NIBAN1: variants seen among roughly 807,000 people sequenced by gnomAD.
NIBAN1 encodes the protein protein Niban 1.
Under a neutral mutation model 75.1 loss-of-function variants are expected in NIBAN1, and 81 were observed. That is an observed-to-expected ratio of 1.08 (90% CI 0.90 to 1.30). The LOEUF is 1.30. NIBAN1 is among the 50% of genes most tolerant of loss of function. The pLI is 0.00. For synonymous variants in NIBAN1, 436 were observed against 424.8 expected (o/e 1.03, Z -0.32); for missense variants, 1,133 against 1,128.1 (o/e 1.00, Z -0.06).
At chr1:184,901,266 G>A (rs959596777) in intron 1 of NIBAN1, among the ~76,000 whole-genome samples, 5 of 152,136 alleles carry the variant, frequency 3.3e-5, no homozygotes, top group African/African-American at 1.2e-4. Flanking sequence ...AAGGTGCTTT[G>A]AGACCCACTA....
At chr1:184,899,807 C>CTTTTTTTT (rs66802117) in intron 1 of NIBAN1, among the ~76,000 whole-genome samples, 7 of 100,346 alleles carry the variant, frequency 7.0e-5, no homozygotes, top group Non-Finnish European at 1.2e-4. Context: ...ACATCACTCT[C>CTTTTTTTT]TTTTTTTTTT....
chr1:184,934,944 C>A (rs1017163425), intron 1 of NIBAN1, among the ~76,000 whole-genome samples: 1 of 152,050 alleles, frequency 6.6e-6, no homozygotes, highest in Admixed American at 6.5e-5. Flanking sequence ...GTGGCATGCA[C>A]CTGCAGTGCC....
Position 184,936,067 on chromosome 1 carries a change from T to TAC in NIBAN1, c.56-36760_56-36759dup, listed in dbSNP as rs1374436231. 4.0e-5 allele frequency among the ~76,000 whole-genome samples: 6 copies of TAC among 151,772 alleles called. 1 individual carries two copies. In the East Asian group the frequency reaches 1.2e-3, roughly 29 times the overall value. The stretch of plus-strand genomic sequence containing the variant: ...GAAACTAAGCGTCTATTGAAAGGTT[T>TAC]ACACTTATGCTAAACTAATTAAGTA... On this transcript the variant is annotated intron_variant, in intron 1 of 13. Transcript: ENST00000367511.
chr1:184,974,486 G>A lies in NIBAN1; in HGVS notation c.-130C>T. ...AACTTCCTTCGAGAGGCGAGAGACA[G>A]GAGGCAAGAGGCGTCGCCTTCTGGG... On this transcript the variant is annotated 5_prime_UTR_variant, in exon 1 of 14. Transcript: ENST00000367511. The A allele has an allele frequency of 8.1e-7, 1 of 1,232,420 alleles. No homozygotes were observed. The highest frequency in any genetic ancestry group is 1.4e-5 in the South Asian group (1 of 72,388). The allele number at this position is 1,232,420 out of a possible 1,614,324, so 76.3% of individuals were successfully genotyped here.
At chr1:184,866,046 T>G (rs777003988) in intron 5 of NIBAN1, among the ~76,000 whole-genome samples, 6 of 152,128 alleles carry the variant, frequency 3.9e-5, no homozygotes, top group Non-Finnish European at 8.8e-5. Flanking sequence ...CCATGCTCCT[T>G]TATTCAGTTA....
chr1:184,974,204 G>C, intron 1 of NIBAN1, 98 bp downstream of exon 1: 1 of 1,249,792 alleles, frequency 8.0e-7, no homozygotes, highest in Non-Finnish European at 1.0e-6. Context: ...GCGCTACAGG[G>C]AGAGGGCCCG....
chr1:184,821,679 T>G (rs896075974), intron 8 of NIBAN1, among the ~76,000 whole-genome samples: 1 of 152,314 alleles, frequency 6.6e-6, no homozygotes. Context: ...TAGCTCCAGA[T>G]AGCAGAAATT....
chr1:184,836,633 T>C (rs1268177784), intron 5 of NIBAN1, among the ~76,000 whole-genome samples: 2 of 152,150 alleles, frequency 1.3e-5, no homozygotes, highest in Admixed American at 6.5e-5. Flanking sequence ...AATGTAATAG[T>C]GGTGGAAGTG....
intron 1 of NIBAN1, among the ~76,000 whole-genome samples, chr1:184,935,390 C>A (rs979525596): frequency 1.3e-5 from 2 of 151,946 alleles, no homozygotes; most frequent in Non-Finnish European, 2.9e-5. Context: ...CACCTGTAGT[C>A]CCAGCTACTC....
intron 5 of NIBAN1, among the ~76,000 whole-genome samples, chr1:184,883,361 A>G (rs554985165): frequency 7.9e-5 from 12 of 152,088 alleles, no homozygotes; most frequent in East Asian, 1.9e-4. Context: ...TTGAATTTCA[A>G]CTCCCAGAGA....
intron 4 of NIBAN1, among the ~76,000 whole-genome samples, chr1:184,889,491 T>C (rs1442828182): frequency 1.3e-5 from 2 of 152,188 alleles, no homozygotes; most frequent in Non-Finnish European, 2.9e-5. Flanking sequence ...TATTAAAAGG[T>C]TTTTTGTCTA....
intron 5 of NIBAN1, among the ~76,000 whole-genome samples, chr1:184,870,080 A>G (rs1656062663): frequency 6.6e-6 from 1 of 152,254 alleles, no homozygotes; most frequent in South Asian, 2.1e-4. Flanking sequence ...TCTAATTCGT[A>G]GGTCTGGAAT....
rs755903297 is a variant in NIBAN1, at chr1:184,877,911, A to AT, written c.601+6721dup. Among the ~76,000 whole-genome samples the AT allele has an allele frequency of 5.6e-3, 803 of 143,628 alleles. 2 individuals are homozygous for AT. The highest frequency in any genetic ancestry group is 0.014 in the African/African-American group (535 of 37,822). 94.2% of individuals were successfully genotyped at this position (143,628 alleles called of 152,430 possible). ...CAATCTAAATAGCACGAACAAAACA[A>AT]TTTTTTTTTTTTGCTTAAATGAACT... On this transcript the variant is annotated intron_variant, in intron 5 of 13. Coordinates refer to ENST00000367511, the MANE Select transcript of NIBAN1 (RefSeq NM_052966.4).
At chr1:184,955,104 T>C (rs1658450713) in intron 1 of NIBAN1, among the ~76,000 whole-genome samples, 1 of 152,218 alleles carries the variant, frequency 6.6e-6, no homozygotes, top group South Asian at 2.1e-4. Flanking sequence ...ATGTAATTGC[T>C]ATTAAATAGC....
At chr1:184,941,638 G>A (rs1012065740) in intron 1 of NIBAN1, among the ~76,000 whole-genome samples, 1 of 131,374 alleles carries the variant, frequency 7.6e-6, no homozygotes, top group African/African-American at 3.0e-5. Context: ...CTTTAACAAA[G>A]CAAGACCCTG....
At position 184,935,708 on chromosome 1, in the gene NIBAN1, A is replaced by G. The variant is rs564371152; in HGVS notation, c.56-36399T>C. Among the ~76,000 whole-genome samples the G allele has an allele frequency of 4.6e-5, 7 of 152,216 alleles. No individual in the cohort carries two copies. In the South Asian group the frequency reaches 1.5e-3, roughly 32 times the overall value. ...CTTTGTTCACAGTTCTGAGTACAAC[A>G]TAGGTACCTGGGAAAAAGAAAGCCT... On this transcript the variant is annotated intron_variant, in intron 1 of 13. Transcript: ENST00000367511.
At chr1:184,891,445 A>G (rs1344289168) in intron 3 of NIBAN1, among the ~76,000 whole-genome samples, 2 of 152,238 alleles carry the variant, frequency 1.3e-5, no homozygotes, top group African/African-American at 2.4e-5. Context: ...ATTTACAAGC[A>G]ATTTGATTTA....
chr1:184,907,220 C>CA (rs11360294), intron 1 of NIBAN1, among the ~76,000 whole-genome samples: 11 of 149,386 alleles, frequency 7.4e-5, no homozygotes, highest in East Asian at 5.9e-4. Flanking sequence ...TATAAAATTG[C>CA]AAAAAAAAAA....
At chr1:184,959,572 G>A (rs992375042) in intron 1 of NIBAN1, among the ~76,000 whole-genome samples, 3 of 152,160 alleles carry the variant, frequency 2.0e-5, no homozygotes, top group Non-Finnish European at 4.4e-5. Context: ...TTAACTGGAT[G>A]ATGGATATTA....
Sources: allele counts gnomAD v4.1 joint callset (sites outside exome capture counted in the v4.1 genomes callset), GRCh38; gene constraint gnomAD v4.1.1; transcripts MANE v1.5; gene names NCBI Gene and HGNC (gene_info 2026-07-23, HGNC 2026-07-21).